PDE6D: variants seen among roughly 807,000 people sequenced by gnomAD.
The protein encoded by PDE6D is retinal rod rhodopsin-sensitive cGMP 3',5'-cyclic phosphodiesterase subunit delta.
PDE6D carries 10 observed loss-of-function variants against 21.9 expected under a neutral mutation model. The observed-to-expected ratio is 0.46, with a 90% CI of 0.28 to 0.78. PDE6D has a LOEUF of 0.78. PDE6D is among the 30% of genes least tolerant of loss of function. The probability of loss-of-function intolerance (pLI) is 0.12; values close to 1 mark genes in which losing one functional copy is unlikely to be tolerated. For synonymous variants in PDE6D, 59 were observed against 63.5 expected, an observed-to-expected ratio of 0.93 and a Z score of 0.34; for missense variants, 139 against 184.8, an observed-to-expected ratio of 0.75 and a Z score of 1.44.
chr2:231,759,633 G>A (rs1037326055), intron 1 of PDE6D, among the ~76,000 whole-genome samples: 3 of 152,110 alleles, frequency 2.0e-5, no homozygotes, highest in Non-Finnish European at 4.4e-5. Context: ...AACATGTTTG[G>A]GAAGCAGAAA....
intron 1 of PDE6D, among the ~76,000 whole-genome samples, chr2:231,764,068 A>T (rs1559328983): frequency 6.6e-6 from 1 of 152,242 alleles, no homozygotes; most frequent in Admixed American, 6.5e-5. Context: ...AAACAGGAAG[A>T]ATAAGATAAG....
At chr2:231,771,261 G>C (rs1044108688) in intron 1 of PDE6D, among the ~76,000 whole-genome samples, 1 of 152,010 alleles carries the variant, frequency 6.6e-6, no homozygotes, top group Non-Finnish European at 1.5e-5. Flanking sequence ...GAGCCACCTT[G>C]CTCAGCCAAG....
At chr2:231,741,208 A>G (rs181339114) in intron 1 of PDE6D, among the ~76,000 whole-genome samples, 5 of 152,114 alleles carry the variant, frequency 3.3e-5, no homozygotes, top group African/African-American at 1.2e-4. Flanking sequence ...AAAAGCGAAA[A>G]GCTTCCAGAG....
chr2:231,742,802 ATCAG>A (rs2048760746), intron 1 of PDE6D, among the ~76,000 whole-genome samples: 1 of 152,164 alleles, frequency 6.6e-6, no homozygotes, highest in Non-Finnish European at 1.5e-5. Flanking sequence ...CCCTGGCATA[ATCAG>A]GGGTGAGCAC....
At chr2:231,768,731 C>G (rs749637456) in intron 1 of PDE6D, 2 of 152,064 alleles carry the variant, frequency 1.3e-5, no homozygotes, top group Non-Finnish European at 2.9e-5. Flanking sequence ...CCACAACACC[C>G]CTAGTAGGAG....
intron 1 of PDE6D, among the ~76,000 whole-genome samples, chr2:231,749,537 CTGTTT>C (rs2048821523): frequency 7.3e-6 from 1 of 137,048 alleles, no homozygotes; most frequent in Admixed American, 7.6e-5. Flanking sequence ...GAGTCTCACT[CTGTTT>C]TATTTTTTTT....
At chr2:231,741,774 A>G (rs1344623484) in intron 1 of PDE6D, among the ~76,000 whole-genome samples, 1 of 152,236 alleles carries the variant, frequency 6.6e-6, no homozygotes, top group African/African-American at 2.4e-5. Context: ...AAGTAGTCAT[A>G]GTATAACTCA....
chr2:231,778,140 C>A (rs1401037086), intron 1 of PDE6D, among the ~76,000 whole-genome samples: 2 of 152,102 alleles, frequency 1.3e-5, no homozygotes, highest in African/African-American at 4.8e-5. Context: ...GTGGCATGCA[C>A]CTGTAATCCC....
intron 1 of PDE6D, among the ~76,000 whole-genome samples, chr2:231,767,411 G>C (rs150303074): frequency 1.3e-5 from 2 of 151,934 alleles, no homozygotes; most frequent in African/African-American, 4.8e-5. Context: ...TGCCTCCCAG[G>C]TTCATGCCCT....
chr2:231,753,736 G>A (rs1417507172), intron 1 of PDE6D, among the ~76,000 whole-genome samples: 1 of 152,130 alleles, frequency 6.6e-6, no homozygotes, highest in East Asian at 1.9e-4. Flanking sequence ...CTAATACATT[G>A]TGACCAGAGT....
chr2:231,761,496 C>A (rs1377061778), intron 1 of PDE6D, among the ~76,000 whole-genome samples: 1 of 152,148 alleles, frequency 6.6e-6, no homozygotes, highest in South Asian at 2.1e-4. Context: ...TAATTCTTAA[C>A]CTGTGGTTCA....
At chr2:231,772,964 G>A (rs1293481847) in intron 1 of PDE6D, among the ~76,000 whole-genome samples, 5 of 152,160 alleles carry the variant, frequency 3.3e-5, no homozygotes, top group African/African-American at 1.2e-4. Flanking sequence ...AAGGCCGGGC[G>A]TGGTGGCTCA....
intron 1 of PDE6D, among the ~76,000 whole-genome samples, chr2:231,767,959 C>A (rs2048985554): frequency 6.6e-6 from 1 of 151,742 alleles, no homozygotes; most frequent in East Asian, 1.9e-4. Flanking sequence ...GATACTCCTA[C>A]CTCAGCCTCC....
intron 2 of PDE6D, among the ~76,000 whole-genome samples, chr2:231,738,353 G>A (rs2048720632): frequency 6.6e-6 from 1 of 152,200 alleles, no homozygotes. Flanking sequence ...ACCCGTATCT[G>A]AAAGATATTA....
Position 231,732,727 on chromosome 2 carries a change from C to G in PDE6D, c.*225G>C. The G allele has an allele frequency of 2.1e-6, 1 of 487,678 alleles. No homozygotes were observed. The highest frequency in any genetic ancestry group is 3.5e-5 in the Admixed American group (1 of 28,232). The allele number at this position is 487,678 out of a possible 1,614,324, so 30.2% of individuals were successfully genotyped here. The stretch of plus-strand genomic sequence containing the variant: ...CTTGAGACCTGTCCCCTGCCCTGGT[C>G]TGGGGTTGGGAGTTTAGTCTGGTCA... On this transcript the variant is annotated 3_prime_UTR_variant, in exon 5 of 5. Transcript: ENST00000287600.
rs923691279 is a variant in PDE6D, at chr2:231,743,513, A to G, written c.51-4325T>C. Among the ~76,000 whole-genome samples, 7 of 151,918 alleles carry G rather than the reference A, an allele frequency of 4.6e-5. No homozygotes were observed. In the South Asian group the frequency reaches 8.3e-4, roughly 18 times the overall value. On this transcript the variant is annotated intron_variant, in intron 1 of 4. Transcript: ENST00000287600. ...GTGCCTGCAATGTGATGAGGAGTCT[A>G]TCTTTCTGTGCACTCAACCTGCTTG...
chr2:231,768,716 G>A (rs1553560018), intron 1 of PDE6D: 2 of 151,962 alleles, frequency 1.3e-5, no homozygotes, highest in Non-Finnish European at 1.5e-5. Flanking sequence ...AATTCTTGAA[G>A]TCTCCCACAA....
intron 1 of PDE6D, among the ~76,000 whole-genome samples, chr2:231,774,231 C>A (rs1478628151): frequency 6.6e-6 from 1 of 152,098 alleles, no homozygotes; most frequent in African/African-American, 2.4e-5. Flanking sequence ...CTATACCTGG[C>A]CTGTCATTAT....
chr2:231,742,137 T>G (rs543559337), intron 1 of PDE6D, among the ~76,000 whole-genome samples: 8 of 152,274 alleles, frequency 5.3e-5, no homozygotes, highest in African/African-American at 1.7e-4. Context: ...TTTGTTTTTT[T>G]TTTGAGATGG....
Sources: gnomAD v4.1 joint callset for allele counts (sites outside exome capture counted in the v4.1 genomes callset) on GRCh38, gnomAD v4.1.1 for gene constraint, MANE v1.5 for transcripts, NCBI Gene and HGNC (gene_info 2026-07-23, HGNC 2026-07-21) for gene names.